Variants in USP33 observed in about 807,000 individuals in gnomAD.
The protein encoded by USP33 is ubiquitin specific peptidase 33, also known as ubiquitin carboxyl-terminal hydrolase 33.
In USP33, 46 loss-of-function variants were observed where a neutral mutation model predicts 124.2. The ratio of observed to expected loss-of-function variants is 0.37; its 90% confidence interval spans 0.29 to 0.47. The LOEUF is 0.47. Among genes scored for constraint, USP33 ranks in the 20% least tolerant of loss-of-function variants. The pLI is 0.99. For synonymous variants in USP33, 350 were observed against 352.3 expected (o/e 0.99, Z 0.07); for missense variants, 851 against 1,070.6 (o/e 0.79, Z 2.86).
chr1:77,758,475 T>C (rs896773358), intron 1 of USP33, among the ~76,000 whole-genome samples: 2 of 152,174 alleles, frequency 1.3e-5, no homozygotes, highest in African/African-American at 4.8e-5. Context: ...TGCCCAGCCC[T>C]GACCTTTCTT....
intron 1 of USP33, among the ~76,000 whole-genome samples, chr1:77,748,808 T>C (rs1216645750): frequency 9.0e-6 from 1 of 111,264 alleles, no homozygotes; most frequent in Non-Finnish European, 1.7e-5. Flanking sequence ...TGAATCAGGA[T>C]TGGCAGCATT....
chr1:77,701,511 C>T, intron 21 of USP33, 40 bp from the exon 22 acceptor site: 1 of 1,525,412 alleles, frequency 6.6e-7, no homozygotes, highest in African/African-American at 1.4e-5. Context: ...ATATCTAAAA[C>T]TTGCTTTATG....
chr1:77,721,975 G>A, intron 13 of USP33, 49 bp downstream of exon 13: 2 of 1,603,920 alleles, frequency 1.2e-6, no homozygotes, highest in Non-Finnish European at 1.7e-6. Context: ...CAGTACAGCA[G>A]AAACAGCAGG....
At chr1:77,715,673 G>A (rs147378055) in intron 18 of USP33, 69 bp downstream of exon 18, 19 of 1,548,354 alleles carry the variant, frequency 1.2e-5, no homozygotes, top group Middle Eastern at 3.4e-4. Context: ...CCATTAGAAT[G>A]TCTTAGAAGT....
intron 1 of USP33, among the ~76,000 whole-genome samples, chr1:77,742,727 A>G (rs1679268543): frequency 6.6e-6 from 1 of 152,194 alleles, no homozygotes; most frequent in African/African-American, 2.4e-5. Flanking sequence ...TTTCCCAAAA[A>G]AAGTTTAGAA....
At chr1:77,722,723 A>T (rs565506983) in intron 12 of USP33, among the ~76,000 whole-genome samples, 1 of 152,224 alleles carries the variant, frequency 6.6e-6, no homozygotes, top group South Asian at 2.1e-4. Flanking sequence ...TTCTAACACA[A>T]TAATTGAAAT....
chr1:77,708,940 C>T (rs1674934496), intron 21 of USP33, among the ~76,000 whole-genome samples: 1 of 152,068 alleles, frequency 6.6e-6, no homozygotes. Flanking sequence ...CTTGCCTCCG[C>T]CTCCTGAATA....
Position 77,696,139 on chromosome 1 carries a change from C to T in USP33, c.*1178G>A, listed in dbSNP as rs1381819091. ...TTTTTGTACTTGGAATATAGTTAAA[C>T]TTTTGACATTACATAATCAAGCAAA... On this transcript the variant is annotated 3_prime_UTR_variant, in exon 24 of 24. Transcript: ENST00000370794. 1 of 152,148 alleles carries T rather than the reference C, an allele frequency of 6.6e-6. No homozygotes were observed. Among genetic ancestry groups the T allele is most frequent in the Non-Finnish European group, 1.5e-5 (1 of 68,030 alleles). The allele number at this position is 152,148 out of a possible 1,614,324, so 9.4% of individuals were successfully genotyped here. A position where few individuals can be genotyped will look rare whatever the true frequency, so the allele number is the denominator to read the frequency against.
intron 1 of USP33, among the ~76,000 whole-genome samples, chr1:77,756,141 C>A (rs1680780705): frequency 6.6e-6 from 1 of 152,152 alleles, no homozygotes; most frequent in African/African-American, 2.4e-5. Context: ...GGGAGGCTCT[C>A]TATATTGCCC....
intron 1 of USP33, chr1:77,746,630 A>G (rs984437613): frequency 3.9e-5 from 6 of 152,282 alleles, no homozygotes; most frequent in Non-Finnish European, 8.8e-5. Context: ...AAAATCCTCA[A>G]TAAAATACTG....
At chr1:77,729,968 T>C (rs1304769403) in intron 8 of USP33, 30 bp from the exon 9 acceptor site, 23 of 1,552,494 alleles carry the variant, frequency 1.5e-5, no homozygotes, top group Admixed American at 6.0e-5. Context: ...TAAAGAGCAA[T>C]TTTTGTTATT....
intron 1 of USP33, chr1:77,746,586 T>C (rs2101582663): frequency 6.6e-6 from 1 of 152,212 alleles, no homozygotes; most frequent in East Asian, 1.9e-4. Flanking sequence ...AAAAAGAGAA[T>C]TTTAGACCAA....
intron 21 of USP33, among the ~76,000 whole-genome samples, chr1:77,703,741 T>C (rs1008880686): frequency 1.3e-5 from 2 of 152,156 alleles, no homozygotes; most frequent in East Asian, 1.9e-4. Context: ...CCTTTTAATA[T>C]AACATATAAC....
intron 1 of USP33, among the ~76,000 whole-genome samples, chr1:77,753,153 C>T (rs1001253779): frequency 2.0e-5 from 3 of 152,150 alleles, no homozygotes; most frequent in African/African-American, 7.2e-5. Context: ...TGATATTCGA[C>T]ATTGGGATTC....
At chr1:77,728,191 AAACTAT>A in intron 10 of USP33, 98 bp downstream of exon 10, 2 of 1,283,702 alleles carry the variant, frequency 1.6e-6, no homozygotes, top group Admixed American at 5.2e-5. Context: ...AAATACTGCT[AAACTAT>A]AATTCTAATT....
At position 77,711,991 on chromosome 1, in the gene USP33, A is replaced by C. The variant is rs1675313986; in HGVS notation, c.2298-136T>G. 1.3e-5 allele frequency: 11 copies of C among 826,028 alleles called. No homozygotes were observed. The Admixed American group carries it at 3.7e-4, about 28-fold the overall frequency. The allele number at this position is 826,028 out of a possible 1,614,324, so 51.2% of individuals were successfully genotyped here. A position where few individuals can be genotyped will look rare whatever the true frequency, so the allele number is the denominator to read the frequency against. On this transcript the variant is annotated intron_variant, in intron 20 of 23. Transcript: ENST00000370794. The stretch of plus-strand genomic sequence containing the variant: ...TAATATAAAAATCAAAAATCATATA[A>C]GGACTTGTTATTATGTTTATTAAGG...
chr1:77,728,605 T>C lies in USP33; in HGVS notation c.825A>G (p.Thr275=). Residue 275 remains threonine (T), a synonymous_variant, in exon 10 of 24, where the codon ACA becomes ACG. Transcript: ENST00000370794. The stretch of plus-strand genomic sequence containing the variant: ...CCGACTGGCTCTTGTCTTCTTCCAT[T>C]GTCTCCTCAGTGGTTATGGTTTGCG... ...EDPQTITTEE[T]MEEDKSQSDV... 1.9e-6 allele frequency: 3 copies of C among 1,614,192 alleles called. No homozygotes were observed. The highest frequency in any genetic ancestry group is 2.5e-6 in the Non-Finnish European group (3 of 1,180,024).
Position 77,711,772 on chromosome 1 carries a change from TTTC to T in USP33, c.2378_2380del (p.Arg793del), listed in dbSNP as rs780144003. 24 of 1,609,376 alleles carry T rather than the reference TTTC, an allele frequency of 1.5e-5. No individual in the cohort carries two copies. Among genetic ancestry groups the T allele is most frequent in the Non-Finnish European group, 1.9e-5 (22 of 1,178,954 alleles). On this transcript the variant is annotated inframe_deletion, in exon 21 of 24. Transcript: ENST00000370794. ...CCGAATAAAAATTTCCAATTCAGTT[TTTC>T]TTCTTTTTTCAATTTTCTCCGCCTC... is the stretch of plus-strand genomic sequence containing the variant.
intron 10 of USP33, among the ~76,000 whole-genome samples, chr1:77,726,157 C>T (rs999218116): frequency 6.6e-6 from 1 of 152,098 alleles, no homozygotes; most frequent in African/African-American, 2.4e-5. Flanking sequence ...ACCATTTTGG[C>T]CAGGCTGGTC....
Sources: gnomAD v4.1 joint callset for allele counts (sites outside exome capture counted in the v4.1 genomes callset) on GRCh38, gnomAD v4.1.1 for gene constraint, MANE v1.5 for transcripts, NCBI Gene and HGNC (gene_info 2026-07-23, HGNC 2026-07-21) for gene names.